The following CBX5 variants were observed in gnomAD, a reference collection of about 807,000 sequenced individuals.
CBX5 encodes the protein chromobox protein homolog 5.
Under a neutral mutation model 20.7 loss-of-function variants are expected in CBX5, and 7 were observed. The ratio of observed to expected loss-of-function variants is 0.34; its 90% CI spans 0.19 to 0.63. The LOEUF (loss-of-function observed/expected upper bound fraction) is 0.63. CBX5 is among the 30% of genes least tolerant of loss of function. CBX5 has a pLI of 0.75. For missense variants in CBX5, 110 were observed against 224.1 expected, an observed-to-expected ratio of 0.49 and a Z score of 3.25; for synonymous variants, 78 against 77.0, an observed-to-expected ratio of 1.01 and a Z score of -0.07.
At chr12:54,274,657 G>A (rs1441501903) in intron 1 of CBX5, among the ~76,000 whole-genome samples, 1 of 152,114 alleles carries the variant, frequency 6.6e-6, no homozygotes, top group Non-Finnish European at 1.5e-5. Flanking sequence ...GACCTCAATA[G>A]AGCCGGGCAC....
chr12:54,245,034 C>T (rs1943720762), intron 4 of CBX5, among the ~76,000 whole-genome samples: 1 of 150,590 alleles, frequency 6.6e-6, no homozygotes, highest in South Asian at 2.1e-4. Context: ...TTTTTAGAGA[C>T]GGAGTCTTGC....
chr12:54,255,655 G>A (rs899767405), intron 2 of CBX5: 2 of 151,736 alleles, frequency 1.3e-5, no homozygotes, highest in Non-Finnish European at 2.9e-5. Flanking sequence ...ATGTTAACCA[G>A]ACAGGAGTGC....
At chr12:54,272,926 A>G (rs1202285956) in intron 1 of CBX5, 1 of 152,230 alleles carries the variant, frequency 6.6e-6, no homozygotes, top group Non-Finnish European at 1.5e-5. Flanking sequence ...ACACCATTAG[A>G]TAATGGCAGA....
intron 1 of CBX5, chr12:54,277,037 A>G (rs1462041602): frequency 2.6e-5 from 4 of 152,184 alleles, no homozygotes; most frequent in African/African-American, 7.2e-5. Flanking sequence ...AAGTGGTAAA[A>G]ACTTTTTTTT....
At chr12:54,260,005 G>A (rs529287214) in intron 1 of CBX5, among the ~76,000 whole-genome samples, 7 of 151,930 alleles carry the variant, frequency 4.6e-5, no homozygotes, top group Non-Finnish European at 1.0e-4. Flanking sequence ...CCATTTTACC[G>A]TCTGTCACAG....
intron 3 of CBX5, 147 bp from the exon 4 acceptor site, chr12:54,246,362 T>A (rs1234785128): frequency 1.7e-6 from 1 of 603,850 alleles, no homozygotes; most frequent in Non-Finnish European, 2.9e-6. Context: ...AACTTAATAC[T>A]AAGTACTGAC....
chr12:54,264,209 G>A (rs1943939342), intron 1 of CBX5, among the ~76,000 whole-genome samples: 2 of 152,178 alleles, frequency 1.3e-5, no homozygotes, highest in African/African-American at 4.8e-5. Flanking sequence ...TCAGGCTGCA[G>A]TGCAGTGGTG....
In CBX5 at chr12:54,252,244, G is replaced by C. The variant is rs1458608804; in HGVS notation, c.138-17C>G. The C allele has an allele frequency of 1.9e-5, 28 of 1,464,172 alleles. No individual in the cohort carries two copies. The highest frequency in any genetic ancestry group is 2.5e-5 in the Non-Finnish European group (28 of 1,101,428). 90.7% of individuals were successfully genotyped at this position (1,464,172 alleles called of 1,614,324 possible). ...TTGTGCTCCCTGGGTAAGAAAAATG[G>C]GAAAATTAAAAAAAAAAGGGGGGGG... is the stretch of plus-strand genomic sequence containing the variant. On this transcript the variant is annotated splice_polypyrimidine_tract_variant and intron_variant, in intron 2 of 4. Transcript: ENST00000209875.
chr12:54,276,236 C>T (rs145170208), intron 1 of CBX5, among the ~76,000 whole-genome samples: 26 of 152,190 alleles, frequency 1.7e-4, no homozygotes, highest in African/African-American at 5.8e-4. Context: ...GGGTTATGTC[C>T]TGATAAACCC....
chr12:54,251,248 C>A (rs1349819660), intron 3 of CBX5, among the ~76,000 whole-genome samples: 1 of 151,656 alleles, frequency 6.6e-6, no homozygotes, highest in Non-Finnish European at 1.5e-5. Flanking sequence ...ATCACGAGGT[C>A]AGGAGTTCAA....
At chr12:54,248,271 G>C (rs1565868346) in intron 3 of CBX5, among the ~76,000 whole-genome samples, 1 of 152,196 alleles carries the variant, frequency 6.6e-6, no homozygotes, top group Non-Finnish European at 1.5e-5. Context: ...TTACAGGCGT[G>C]AGCCACCGCA....
chr12:54,263,911 C>T (rs745409625), intron 1 of CBX5, among the ~76,000 whole-genome samples: 7 of 151,322 alleles, frequency 4.6e-5, no homozygotes, highest in Non-Finnish European at 8.8e-5. Flanking sequence ...GATGTGGTGG[C>T]GGGAGCCTGT....
At chr12:54,245,518 G>A (rs1434431969) in intron 4 of CBX5, among the ~76,000 whole-genome samples, 1 of 151,922 alleles carries the variant, frequency 6.6e-6, no homozygotes. Flanking sequence ...TGGGCCAGGC[G>A]CAGTGGCTCA....
rs1335245480 is a variant in CBX5 at position 54,236,967 on chromosome 12, G to C, written c.*4788C>G. The C allele has an allele frequency of 4.6e-5, 7 of 152,240 alleles. No homozygotes were observed. The highest frequency in any genetic ancestry group is 1.7e-4 in the African/African-American group (7 of 41,458). The allele number at this position is 152,240 out of a possible 1,614,324, so 9.4% of individuals were successfully genotyped here. A position where few individuals can be genotyped will look rare whatever the true frequency, so the allele number is the denominator to read the frequency against. ...GAAAATGGACTGCTGGGTGGCTACAGAACAGGAATGAAGAGTTAAGAATAA... is the reference window on the plus strand; with the variant it reads ...GAAAATGGACTGCTGGGTGGCTACACAACAGGAATGAAGAGTTAAGAATAA... On this transcript the variant is annotated 3_prime_UTR_variant, in exon 5 of 5. Transcript: ENST00000209875.
intron 1 of CBX5, among the ~76,000 whole-genome samples, chr12:54,261,645 C>G (rs940265504): frequency 6.6e-6 from 1 of 151,810 alleles, no homozygotes; most frequent in South Asian, 2.1e-4. Flanking sequence ...GGACCATCAG[C>G]AAACCTCCAA....
chr12:54,250,821 A>G (rs1943791164), intron 3 of CBX5, among the ~76,000 whole-genome samples: 1 of 129,306 alleles, frequency 7.7e-6, no homozygotes, highest in African/African-American at 2.9e-5. Context: ...CAAAAAAAAA[A>G]AAAAAAAAAA....
At chr12:54,257,248 G>A (rs1297542782) in intron 2 of CBX5, among the ~76,000 whole-genome samples, 1 of 152,124 alleles carries the variant, frequency 6.6e-6, no homozygotes, top group Admixed American at 6.6e-5. Context: ...CATAAGTGGT[G>A]GAGTTAGAAT....
chr12:54,274,173 TGG>T, intron 1 of CBX5: 1 of 152,342 alleles, frequency 6.6e-6, no homozygotes, highest in Non-Finnish European at 1.5e-5. Flanking sequence ...GTTGTCACAG[TGG>T]GTGTTCTTCC....
intron 1 of CBX5, among the ~76,000 whole-genome samples, chr12:54,279,488 G>A (rs1944107477): frequency 6.6e-6 from 1 of 152,030 alleles, no homozygotes; most frequent in African/African-American, 2.4e-5. Context: ...TACAGGCACC[G>A]ACTCCCCTTC....
Sources: gnomAD v4.1 joint callset for allele counts (sites outside exome capture counted in the v4.1 genomes callset) on GRCh38, gnomAD v4.1.1 for gene constraint, MANE v1.5 for transcripts, NCBI Gene and HGNC (gene_info 2026-07-23, HGNC 2026-07-21) for gene names.